Variants in MGAT4A observed in about 807,000 individuals in gnomAD.
The protein encoded by MGAT4A is alpha-1,3-mannosyl-glycoprotein 4-beta-N-acetylglucosaminyltransferase A.
A neutral mutation model predicts 74.1 loss-of-function variants in MGAT4A; 33 were observed. The observed-to-expected ratio is 0.45, with a 90% CI of 0.34 to 0.60. The LOEUF (loss-of-function observed/expected upper bound fraction) is 0.60, where lower values mean the gene tolerates loss of function less well. MGAT4A is among the 20% of genes least tolerant of loss of function. MGAT4A has a pLI of 0.02. For missense variants in MGAT4A, 479 were observed against 628.3 expected, an observed-to-expected ratio of 0.76 and a Z score of 2.54; for synonymous variants, 198 against 210.4, an observed-to-expected ratio of 0.94 and a Z score of 0.51.
intron 1 of MGAT4A, among the ~76,000 whole-genome samples, chr2:98,727,095 T>C (rs1428474526): frequency 6.6e-6 from 1 of 152,258 alleles, no homozygotes; most frequent in East Asian, 1.9e-4. Flanking sequence ...GGTAACAATC[T>C]GTCCTGTGTC....
Position 98,624,294 on chromosome 2 carries a change from G to C in MGAT4A, c.*1272C>G. ...CCCAAAGTGCTGGGATTACAGGCGT[G>C]AGCCACAGCGCCTGGTGATAATTCA... On this transcript the variant is annotated 3_prime_UTR_variant, in exon 16 of 16. Transcript: ENST00000393487. 1.0e-6 allele frequency: 1 copy of C among 952,392 alleles called. No homozygotes were observed. Among genetic ancestry groups the C allele is most frequent in the Non-Finnish European group, 1.3e-6 (1 of 799,910 alleles). 59.0% of individuals were successfully genotyped at this position (952,392 alleles called of 1,614,324 possible). A position where few individuals can be genotyped will look rare whatever the true frequency, so the allele number is the denominator to read the frequency against.
intron 12 of MGAT4A, among the ~76,000 whole-genome samples, chr2:98,638,839 T>A (rs1234508020): frequency 6.6e-6 from 1 of 152,204 alleles, no homozygotes; most frequent in Non-Finnish European, 1.5e-5. Context: ...GAAAATGATT[T>A]CTGGTGGATT....
chr2:98,630,667 A>G (rs1248586977), intron 14 of MGAT4A, among the ~76,000 whole-genome samples: 1 of 152,204 alleles, frequency 6.6e-6, no homozygotes, highest in African/African-American at 2.4e-5. Flanking sequence ...ACTGGATTAT[A>G]GGGCGTATCA....
chr2:98,627,438 C>A (rs566484015), intron 14 of MGAT4A, among the ~76,000 whole-genome samples: 1 of 152,218 alleles, frequency 6.6e-6, no homozygotes, highest in African/African-American at 2.4e-5. Context: ...TGCGATGGCA[C>A]GATCTCGGCT....
rs569118181 is a variant in MGAT4A at position 98,720,125 on chromosome 2, C to A, written c.94+6114G>T. On this transcript the variant is annotated intron_variant, in intron 2 of 15. Coordinates refer to ENST00000393487, the MANE Select transcript of MGAT4A (RefSeq NM_012214.3). ...ATGGAAATTCTGGAGTTGAAAAGTA[C>A]AATAGAAGTAAAAATTCACTAGAGG... 3.9e-5 allele frequency among the ~76,000 whole-genome samples: 6 copies of A among 152,204 alleles called. No individual in the cohort carries two copies. In the South Asian group the frequency reaches 1.2e-3, roughly 32 times the overall value.
At chr2:98,715,965 G>C (rs1299113687) in intron 2 of MGAT4A, among the ~76,000 whole-genome samples, 1 of 152,196 alleles carries the variant, frequency 6.6e-6, no homozygotes, top group African/African-American at 2.4e-5. Context: ...AGTGATCGAA[G>C]CAAACATCAC....
chr2:98,700,160 G>T (rs916164260), intron 2 of MGAT4A, among the ~76,000 whole-genome samples: 1 of 151,994 alleles, frequency 6.6e-6, no homozygotes, highest in Admixed American at 6.6e-5. Flanking sequence ...GCAGTGGCTG[G>T]AACACTGTGC....
intron 4 of MGAT4A, among the ~76,000 whole-genome samples, chr2:98,670,895 A>T (rs1305198550): frequency 6.6e-6 from 1 of 152,216 alleles, no homozygotes. Context: ...CTCTCCTTTG[A>T]GTCCCAGATC....
In MGAT4A at chr2:98,625,458, G is replaced by A; in HGVS notation, c.*108C>T. 1 of 1,541,404 alleles carries A rather than the reference G, an allele frequency of 6.5e-7. No homozygotes were observed. The highest frequency in any genetic ancestry group is 8.7e-7 in the Non-Finnish European group (1 of 1,151,342). On this transcript the variant is annotated 3_prime_UTR_variant, in exon 16 of 16. Coordinates refer to ENST00000393487, the MANE Select transcript of MGAT4A (RefSeq NM_012214.3). ...GGAAATGACAATCGTCTTATCTACA[G>A]TAGACTTCACAAGAGGTAGTGTTCA...
Position 98,663,097 on chromosome 2 carries a change from G to C in MGAT4A, c.486C>G (p.Asn162Lys). The change falls in exon 5 of 16, where the codon AAC (asparagine) becomes AAG (lysine). Residue 162 changes from asparagine (N) to lysine (K), a missense_variant. Coordinates refer to ENST00000393487, the MANE Select transcript of MGAT4A (RefSeq NM_012214.3). ...AGTCCAACTTCTCTTCAGGATACAG[G>C]TTATCAATAAGGGAATGAAGAGTTT... ...LIETLHSLID[N>K]LYPEEKLDCV... 1 of 1,600,734 alleles carries C rather than the reference G, an allele frequency of 6.2e-7. No individual in the cohort carries two copies. The highest frequency in any genetic ancestry group is 8.5e-7 in the Non-Finnish European group (1 of 1,170,730).
chr2:98,683,005 G>A (rs1702082997), intron 2 of MGAT4A, among the ~76,000 whole-genome samples: 1 of 151,704 alleles, frequency 6.6e-6, no homozygotes, highest in Non-Finnish European at 1.5e-5. Context: ...GGAGAATGGC[G>A]TGAACCCAGG....
At chr2:98,729,877 C>A (rs1395855548) in intron 1 of MGAT4A, among the ~76,000 whole-genome samples, 1 of 152,178 alleles carries the variant, frequency 6.6e-6, no homozygotes, top group Non-Finnish European at 1.5e-5. Flanking sequence ...ACTTTACACA[C>A]CACAATTGTG....
chr2:98,730,672 G>A (rs1209275848), intron 1 of MGAT4A, among the ~76,000 whole-genome samples: 2 of 149,580 alleles, frequency 1.3e-5, no homozygotes, highest in Non-Finnish European at 3.0e-5. Context: ...CAAAGTCGCC[G>A]AGCCCCGCCA....
intron 2 of MGAT4A, among the ~76,000 whole-genome samples, chr2:98,723,700 C>T (rs1006658477): frequency 1.3e-5 from 2 of 152,180 alleles, no homozygotes; most frequent in African/African-American, 4.8e-5. Flanking sequence ...TAGCTGCACA[C>T]GCAGGTCCCT....
At chr2:98,698,141 G>C (rs761863322) in intron 2 of MGAT4A, among the ~76,000 whole-genome samples, 13 of 152,198 alleles carry the variant, frequency 8.5e-5, no homozygotes, top group Non-Finnish European at 1.6e-4. Context: ...GGGTGTGGTG[G>C]CTCATGCCTA....
chr2:98,643,638 A>G (rs1701445335), intron 10 of MGAT4A, among the ~76,000 whole-genome samples: 1 of 152,240 alleles, frequency 6.6e-6, no homozygotes, highest in Non-Finnish European at 1.5e-5. Flanking sequence ...AAGAACAGAT[A>G]TGACCAACAT....
At chr2:98,664,122 G>A (rs1271222107) in intron 4 of MGAT4A, among the ~76,000 whole-genome samples, 2 of 136,478 alleles carry the variant, frequency 1.5e-5, no homozygotes, top group Non-Finnish European at 3.0e-5. Flanking sequence ...CACAAGAATC[G>A]CCTGGGAGGC....
chr2:98,633,260 G>A (rs1406918982), intron 14 of MGAT4A, among the ~76,000 whole-genome samples: 1 of 152,114 alleles, frequency 6.6e-6, no homozygotes, highest in Non-Finnish European at 1.5e-5. Flanking sequence ...GACCCTCCTG[G>A]GCAGATGCCA....
At chr2:98,727,022 C>T (rs920172944) in intron 1 of MGAT4A, 1 of 152,168 alleles carries the variant, frequency 6.6e-6, no homozygotes, top group African/African-American at 2.4e-5. Context: ...CCAGCTCTGT[C>T]ATTACTTACA....
Sources: allele counts gnomAD v4.1 joint callset (sites outside exome capture counted in the v4.1 genomes callset), GRCh38; gene constraint gnomAD v4.1.1; transcripts MANE v1.5; gene names NCBI Gene and HGNC (gene_info 2026-07-23, HGNC 2026-07-21).